Variants in NRXN3 observed in about 807,000 individuals in gnomAD.
The protein encoded by NRXN3 is neurexin III.
A neutral mutation model predicts 137.6 loss-of-function variants in NRXN3; 32 were observed. The observed-to-expected ratio is 0.23, with a 90% CI of 0.18 to 0.31. The LOEUF (loss-of-function observed/expected upper bound fraction) is 0.31. Among genes scored for constraint, NRXN3 ranks in the 10% least tolerant of loss-of-function variants. NRXN3 has a pLI of 1.00. For missense variants in NRXN3, 1,574 were observed against 2,062.5 expected (o/e 0.76, Z 4.59); for synonymous variants, 798 against 784.5 (o/e 1.02, Z -0.29).
At chr14:79,308,382 T>C (rs1382911801) in intron 15 of NRXN3, among the ~76,000 whole-genome samples, 4 of 152,150 alleles carry the variant, frequency 2.6e-5, no homozygotes, top group Non-Finnish European at 5.9e-5. Flanking sequence ...GCCTTTCTGA[T>C]TGCTCGTTAC....
chr14:79,545,125 A>G (rs1186246037), intron 16 of NRXN3, among the ~76,000 whole-genome samples: 1 of 152,086 alleles, frequency 6.6e-6, no homozygotes, highest in African/African-American at 2.4e-5. Context: ...TTCAAGCCCC[A>G]TTGATTTCTG....
intron 8 of NRXN3, among the ~76,000 whole-genome samples, chr14:78,789,867 C>T (rs540810403): frequency 1.3e-5 from 2 of 152,206 alleles, no homozygotes; most frequent in African/African-American, 2.4e-5. Context: ...TGTATAGATG[C>T]CTAAGCTGAA....
intron 1 of NRXN3, among the ~76,000 whole-genome samples, chr14:78,234,896 C>T (rs1410828541): frequency 3.3e-5 from 5 of 151,202 alleles, no homozygotes; most frequent in Non-Finnish European, 7.4e-5. Flanking sequence ...AGTGACTGGT[C>T]AGATTGACAC....
intron 15 of NRXN3, among the ~76,000 whole-genome samples, chr14:79,337,386 A>C (rs2092331716): frequency 6.6e-6 from 1 of 152,206 alleles, no homozygotes; most frequent in Non-Finnish European, 1.5e-5. Context: ...GTTTCAAGTG[A>C]ATGTAGACTC....
intron 6 of NRXN3, among the ~76,000 whole-genome samples, chr14:78,684,012 T>C (rs151188370): frequency 1.5e-3 from 231 of 152,336 alleles, no homozygotes; most frequent in African/African-American, 5.4e-3. Flanking sequence ...AAGGATAATG[T>C]CATCTATTGA....
intron 15 of NRXN3, among the ~76,000 whole-genome samples, chr14:79,030,679 C>A (rs1456283906): frequency 3.5e-5 from 2 of 56,414 alleles, no homozygotes; most frequent in East Asian, 1.4e-3. Context: ...TGTAGAGGTT[C>A]CTACTTTTTA....
intron 10 of NRXN3, among the ~76,000 whole-genome samples, chr14:78,919,383 T>G (rs999400288): frequency 6.6e-6 from 1 of 152,206 alleles, no homozygotes; most frequent in Non-Finnish European, 1.5e-5. Flanking sequence ...CCTTGGCAAT[T>G]ATTTTCAATA....
chr14:78,732,553 T>C (rs2098521199), intron 8 of NRXN3, among the ~76,000 whole-genome samples: 1 of 152,182 alleles, frequency 6.6e-6, no homozygotes, highest in Non-Finnish European at 1.5e-5. Flanking sequence ...CCACTGCCCA[T>C]TTTCTGTTTG....
At chr14:78,453,331 C>A (rs549925507) in intron 4 of NRXN3, among the ~76,000 whole-genome samples, 1 of 152,288 alleles carries the variant, frequency 6.6e-6, no homozygotes, top group East Asian at 1.9e-4. Context: ...GACCATGCGG[C>A]CAACTAAGAA....
At chr14:79,288,451 C>G (rs1049296658) in intron 15 of NRXN3, among the ~76,000 whole-genome samples, 9 of 152,102 alleles carry the variant, frequency 5.9e-5, no homozygotes, top group African/African-American at 9.7e-5. Context: ...TAATGTACAC[C>G]CACTGTGTGA....
chr14:78,891,550 A>G (rs927952376), intron 10 of NRXN3, among the ~76,000 whole-genome samples: 1 of 151,940 alleles, frequency 6.6e-6, no homozygotes, highest in South Asian at 2.1e-4. Context: ...AGCTGAGGCA[A>G]TATATTACAT....
At chr14:78,314,343 C>A (rs2078306949) in intron 4 of NRXN3, among the ~76,000 whole-genome samples, 1 of 152,188 alleles carries the variant, frequency 6.6e-6, no homozygotes, top group Non-Finnish European at 1.5e-5. Context: ...ATCACAGTGG[C>A]TTAATGCTAA....
chr14:78,499,465 A>G (rs963622138), intron 4 of NRXN3, among the ~76,000 whole-genome samples: 13 of 152,318 alleles, frequency 8.5e-5, no homozygotes, highest in African/African-American at 3.1e-4. Context: ...GTACTAGCTC[A>G]TAACTTTTTA....
chr14:78,864,418 T>C (rs1432010968), intron 10 of NRXN3, among the ~76,000 whole-genome samples: 1 of 152,152 alleles, frequency 6.6e-6, no homozygotes, highest in Non-Finnish European at 1.5e-5. Context: ...TATGAGATAA[T>C]GCATATCCAA....
At chr14:78,862,894 C>T (rs2099076504) in intron 10 of NRXN3, among the ~76,000 whole-genome samples, 1 of 152,074 alleles carries the variant, frequency 6.6e-6, no homozygotes. Flanking sequence ...TATAATTTTG[C>T]AGGTCTGAAA....
rs186478596 is a variant in NRXN3 at position 79,822,964 on chromosome 14, C to T, written c.4093+17774C>T. On this transcript the variant is annotated intron_variant, in intron 20 of 20. Transcript: ENST00000335750. ...ATAATTCATGCCTATAAAAAAGTCTCTGTGCTAACTCTAGATTTTTTTCAC... is the reference window on the plus strand; with the variant it reads ...ATAATTCATGCCTATAAAAAAGTCTTTGTGCTAACTCTAGATTTTTTTCAC... Among the ~76,000 whole-genome samples the T allele has an allele frequency of 2.0e-5, 3 of 152,274 alleles. No homozygotes were observed. The East Asian group carries it at 5.8e-4, about 29-fold the overall frequency.
At position 78,414,097 on chromosome 14, in the gene NRXN3, A is replaced by G. The variant is rs143312360; in HGVS notation, c.757+116237A>G. Among the ~76,000 whole-genome samples the G allele has an allele frequency of 4.9e-3, 743 of 152,298 alleles. 9 individuals are homozygous for G. The highest frequency in any genetic ancestry group is 0.017 in the African/African-American group (705 of 41,562). ...AGTGAGGCCTCCCCAGCCATGTGGA[A>G]CTGTGAATCCATTAAACCTTTTTCC... On this transcript the variant is annotated intron_variant, in intron 4 of 20. Coordinates refer to ENST00000335750, the MANE Select transcript of NRXN3 (RefSeq NM_001330195.2).
chr14:79,323,294 A>C (rs1427360618), intron 15 of NRXN3, among the ~76,000 whole-genome samples: 1 of 152,102 alleles, frequency 6.6e-6, no homozygotes, highest in Non-Finnish European at 1.5e-5. Context: ...CTCTTGTCTT[A>C]GTCTTCCAAA....
intron 10 of NRXN3, among the ~76,000 whole-genome samples, chr14:78,933,927 C>T (rs890235928): frequency 6.6e-6 from 1 of 151,764 alleles, no homozygotes; most frequent in South Asian, 2.1e-4. Flanking sequence ...CCACTCCCCA[C>T]CCCCAACCAC....
Sources: gnomAD v4.1 joint callset for allele counts (sites outside exome capture counted in the v4.1 genomes callset) on GRCh38, gnomAD v4.1.1 for gene constraint, MANE v1.5 for transcripts, NCBI Gene and HGNC (gene_info 2026-07-23, HGNC 2026-07-21) for gene names.